Variants in GFRAL observed in about 807,000 individuals in gnomAD.
GFRAL encodes the protein GDNF family receptor alpha like.
Under a neutral mutation model 45.4 loss-of-function variants are expected in GFRAL, and 36 were observed. The ratio of observed to expected loss-of-function variants is 0.79; its 90% CI spans 0.61 to 1.05. The LOEUF is 1.05. GFRAL is among the 50% of genes least tolerant of loss of function. The pLI, the probability that GFRAL is intolerant of heterozygous loss-of-function variation, is 0.00. For missense variants in GFRAL, 507 were observed against 467.5 expected (o/e 1.08, Z -0.78); for synonymous variants, 166 against 154.1 (o/e 1.08, Z -0.57).
intron 3 of GFRAL, 37 bp from the exon 4 acceptor site, chr6:55,350,055 G>T (rs1234173001): frequency 8.0e-7 from 1 of 1,252,030 alleles, no homozygotes. Context: ...TCAGAAAATT[G>T]TTCAATAATG....
chr6:55,399,976 A>C (rs1013596926), intron 8 of GFRAL, among the ~76,000 whole-genome samples: 1 of 152,154 alleles, frequency 6.6e-6, no homozygotes, highest in Non-Finnish European at 1.5e-5. Context: ...ACATTAATTT[A>C]TTCTCCAAAT....
At chr6:55,344,893 A>AAT (rs1768017924) in intron 3 of GFRAL, among the ~76,000 whole-genome samples, 2 of 152,204 alleles carry the variant, frequency 1.3e-5, no homozygotes, top group Admixed American at 6.5e-5. Context: ...CCTATACACC[A>AAT]ATAATAGACA....
intron 3 of GFRAL, among the ~76,000 whole-genome samples, chr6:55,335,931 T>C (rs1374980098): frequency 1.3e-5 from 2 of 150,864 alleles, no homozygotes; most frequent in Non-Finnish European, 3.0e-5. Flanking sequence ...TTTATTTTAT[T>C]TTATTTTTGT....
At chr6:55,393,845 T>A (rs28479599) in intron 6 of GFRAL, among the ~76,000 whole-genome samples, 51,590 of 152,002 alleles carry the variant, frequency 0.34, 11,891 homozygotes, top group African/African-American at 0.66. Flanking sequence ...TAGGGGAAAT[T>A]AATGATTTCA....
At chr6:55,345,943 C>T (rs78507604) in intron 3 of GFRAL, among the ~76,000 whole-genome samples, 6,238 of 152,272 alleles carry the variant, frequency 0.041, 803 homozygotes, top group East Asian at 0.34. Context: ...TGAAAAAATG[C>T]TCACTATCAC....
At chr6:55,341,578 C>A (rs1016818583) in intron 3 of GFRAL, among the ~76,000 whole-genome samples, 3 of 152,160 alleles carry the variant, frequency 2.0e-5, no homozygotes, top group Non-Finnish European at 2.9e-5. Flanking sequence ...GGGGAAAAAA[C>A]AGAGCAGAAA....
intron 6 of GFRAL, among the ~76,000 whole-genome samples, chr6:55,376,603 T>C (rs1355439858): frequency 1.3e-5 from 2 of 152,028 alleles, no homozygotes; most frequent in African/African-American, 4.8e-5. Context: ...ATTTGTCTAT[T>C]TCTTCTGGAT....
intron 2 of GFRAL, 26 bp downstream of exon 2, chr6:55,331,875 C>A (rs753057419): frequency 1.9e-6 from 3 of 1,583,464 alleles, no homozygotes; most frequent in South Asian, 1.2e-5. Flanking sequence ...AAAATACACT[C>A]AAATGATTTA....
chr6:55,373,144 CAGTG>C (rs1279040374), intron 6 of GFRAL, among the ~76,000 whole-genome samples: 1 of 151,478 alleles, frequency 6.6e-6, no homozygotes, highest in Non-Finnish European at 1.5e-5. Context: ...CAATAACACA[CAGTG>C]AGATCCTATA....
Position 55,402,105 on chromosome 6 carries a change from G to A in GFRAL, c.*252G>A. On this transcript the variant is annotated 3_prime_UTR_variant, in exon 9 of 9. Transcript: ENST00000340465. Reference sequence around the variant, plus strand: ...GATTTTCCTGCCTCAGCCTTCCCGAGTAGCTGGGATTACAGGTACCCGCCA... The same window carrying A: ...GATTTTCCTGCCTCAGCCTTCCCGAATAGCTGGGATTACAGGTACCCGCCA... 2 of 306,558 alleles carry A rather than the reference G, an allele frequency of 6.5e-6. No homozygotes were observed. The allele number at this position is 306,558 out of a possible 1,614,324, so 19.0% of individuals were successfully genotyped here.
intron 3 of GFRAL, among the ~76,000 whole-genome samples, chr6:55,345,884 A>G (rs1221468131): frequency 1.3e-5 from 2 of 152,248 alleles, no homozygotes; most frequent in Non-Finnish European, 1.5e-5. Context: ...AGTGAAGGAT[A>G]TGAACAGACA....
intron 3 of GFRAL, among the ~76,000 whole-genome samples, chr6:55,336,093 T>A (rs903572462): frequency 6.6e-6 from 1 of 152,086 alleles, no homozygotes; most frequent in Non-Finnish European, 1.5e-5. Flanking sequence ...TACAGGCATG[T>A]GCCACCACAC....
At chr6:55,375,790 G>A (rs531158511) in intron 6 of GFRAL, among the ~76,000 whole-genome samples, 5 of 152,066 alleles carry the variant, frequency 3.3e-5, no homozygotes, top group African/African-American at 1.2e-4. Context: ...CTAGATACAG[G>A]ATCATGTCTT....
intron 6 of GFRAL, among the ~76,000 whole-genome samples, chr6:55,370,509 G>A (rs986704138): frequency 7.9e-5 from 12 of 151,978 alleles, no homozygotes; most frequent in African/African-American, 2.7e-4. Context: ...TCTATAGCTG[G>A]CATATGTTAG....
At chr6:55,355,659 A>G (rs1768180766) in intron 5 of GFRAL, among the ~76,000 whole-genome samples, 1 of 151,982 alleles carries the variant, frequency 6.6e-6, no homozygotes, top group African/African-American at 2.4e-5. Flanking sequence ...ATAAAATTAT[A>G]TAATCTGCAA....
chr6:55,362,181 C>G (rs1483136126), intron 6 of GFRAL, among the ~76,000 whole-genome samples: 1 of 151,426 alleles, frequency 6.6e-6, no homozygotes, highest in Non-Finnish European at 1.5e-5. Flanking sequence ...GATTAAATAG[C>G]TTGCCCAGGG....
intron 2 of GFRAL, 117 bp from the exon 3 acceptor site, chr6:55,333,669 G>C (rs1162452880): frequency 1.8e-6 from 1 of 570,260 alleles, no homozygotes; most frequent in Non-Finnish European, 2.8e-6. Context: ...AGCAACCCCA[G>C]ATAATCTTAC....
At chr6:55,334,618 T>G (rs183302622) in intron 3 of GFRAL, among the ~76,000 whole-genome samples, 8 of 152,322 alleles carry the variant, frequency 5.3e-5, no homozygotes, top group South Asian at 2.1e-4. Flanking sequence ...GCTCAATTCT[T>G]CTTTCACAAT....
chr6:55,399,011 C>A (rs1768861942), intron 6 of GFRAL, among the ~76,000 whole-genome samples, 169 bp from the exon 7 acceptor site: 1 of 151,908 alleles, frequency 6.6e-6, no homozygotes, highest in East Asian at 1.9e-4. Context: ...AGGGGAAAAA[C>A]AGGCTGTTAA....
Sources: gnomAD v4.1 joint callset for allele counts (sites outside exome capture counted in the v4.1 genomes callset) on GRCh38, gnomAD v4.1.1 for gene constraint, MANE v1.5 for transcripts, NCBI Gene and HGNC (gene_info 2026-07-23, HGNC 2026-07-21) for gene names.